TDRD7: variants seen among roughly 807,000 people sequenced by gnomAD.
TDRD7 encodes tudor domain containing 7.
In TDRD7, 47 loss-of-function variants were observed where a neutral mutation model predicts 109.8. The observed-to-expected ratio is 0.43, with a 90% CI of 0.34 to 0.55. TDRD7 has a LOEUF of 0.55. Ranked by LOEUF, TDRD7 falls within the 20% of genes least tolerant of loss-of-function variation. The pLI, the probability that TDRD7 is intolerant of heterozygous loss-of-function variation, is 0.03. For synonymous variants in TDRD7, 424 were observed against 457.3 expected, an observed-to-expected ratio of 0.93 and a Z score of 0.93; for missense variants, 1,164 against 1,319.2, an observed-to-expected ratio of 0.88 and a Z score of 1.82.
At chr9:97,427,312 C>T (rs1423299416) in intron 1 of TDRD7, among the ~76,000 whole-genome samples, 1 of 152,082 alleles carries the variant, frequency 6.6e-6, no homozygotes, top group African/African-American at 2.4e-5. Context: ...ATTCTTTCCT[C>T]CTTTTATTCA....
In TDRD7 at chr9:97,421,134, C is replaced by CA. The variant is rs556240135; in HGVS notation, c.-6-7309dup. On this transcript the variant is annotated intron_variant, in intron 1 of 16. Transcript: ENST00000355295. Reference sequence around the variant, plus strand: ...TGGGCCACAGAGCTGGACTCTGTCTCAAAAAAAAAAAAAAAAAGAAATTGT... The same window carrying CA: ...TGGGCCACAGAGCTGGACTCTGTCTCAAAAAAAAAAAAAAAAAAGAAATTGT... Among the ~76,000 whole-genome samples, 590 of 74,992 alleles carry CA rather than the reference C, an allele frequency of 7.9e-3. 1 individual carries two copies. The highest frequency in any genetic ancestry group is 0.011 in the Middle Eastern group (1 of 90). 49.2% of individuals were successfully genotyped at this position (74,992 alleles called of 152,430 possible). A position where few individuals can be genotyped will look rare whatever the true frequency, so the allele number is the denominator to read the frequency against.
At chr9:97,459,653 C>T (rs1344360728) in intron 6 of TDRD7, among the ~76,000 whole-genome samples, 1 of 152,224 alleles carries the variant, frequency 6.6e-6, no homozygotes, top group African/African-American at 2.4e-5. Flanking sequence ...AAACTTTCTG[C>T]TGTGGTTGTT....
intron 16 of TDRD7, among the ~76,000 whole-genome samples, chr9:97,489,725 T>C (rs1005567195): frequency 6.6e-6 from 1 of 152,226 alleles, no homozygotes; most frequent in Non-Finnish European, 1.5e-5. Context: ...TTTGCTCTTA[T>C]TTTTGTCATT....
At chr9:97,491,941 C>T (rs1829315599) in intron 16 of TDRD7, among the ~76,000 whole-genome samples, 1 of 152,180 alleles carries the variant, frequency 6.6e-6, no homozygotes, top group Non-Finnish European at 1.5e-5. Flanking sequence ...GGCCCTATAA[C>T]TGGGTTCCCC....
chr9:97,452,129 A>G (rs975070678), intron 6 of TDRD7, among the ~76,000 whole-genome samples: 1 of 152,176 alleles, frequency 6.6e-6, no homozygotes, highest in Non-Finnish European at 1.5e-5. Flanking sequence ...CAGGAGGATC[A>G]CTTGAGCCCA....
chr9:97,441,987 T>C, intron 6 of TDRD7, 112 bp downstream of exon 6: 2 of 848,578 alleles, frequency 2.4e-6, no homozygotes, highest in Admixed American at 3.8e-5. Flanking sequence ...ACTTTACATA[T>C]GTTACCTCAT....
chr9:97,453,918 C>T (rs563119300), intron 6 of TDRD7, among the ~76,000 whole-genome samples: 1 of 152,294 alleles, frequency 6.6e-6, no homozygotes, highest in South Asian at 2.1e-4. Context: ...TAGACACCTA[C>T]AAAGAGACTT....
intron 12 of TDRD7, among the ~76,000 whole-genome samples, 200 bp downstream of exon 12, chr9:97,475,669 C>T (rs1434251560): frequency 6.6e-6 from 1 of 152,022 alleles, no homozygotes; most frequent in Non-Finnish European, 1.5e-5. Flanking sequence ...TCTGCCTCCA[C>T]CCCAGTTTCA....
intron 4 of TDRD7, among the ~76,000 whole-genome samples, chr9:97,435,289 T>C (rs759947435): frequency 6.6e-6 from 1 of 152,126 alleles, no homozygotes; most frequent in East Asian, 1.9e-4. Context: ...AGTACACTTT[T>C]TGAAATTTCC....
intron 15 of TDRD7, 39 bp downstream of exon 15, chr9:97,483,390 A>G (rs757284844): frequency 2.5e-6 from 4 of 1,606,528 alleles, no homozygotes; most frequent in South Asian, 2.2e-5. Flanking sequence ...TACTCCTAAG[A>G]AAAATGTGTA....
chr9:97,474,794 A>G (rs1828986080), intron 11 of TDRD7, among the ~76,000 whole-genome samples: 1 of 152,168 alleles, frequency 6.6e-6, no homozygotes, highest in Non-Finnish European at 1.5e-5. Flanking sequence ...TGGGGAGAGT[A>G]GAAACACACA....
chr9:97,418,484 G>A (rs960018972), intron 1 of TDRD7, among the ~76,000 whole-genome samples: 3 of 152,064 alleles, frequency 2.0e-5, no homozygotes, highest in Admixed American at 6.6e-5. Flanking sequence ...TGCTCTGGCC[G>A]TTAAACAGGT....
intron 1 of TDRD7, among the ~76,000 whole-genome samples, chr9:97,417,087 C>G (rs916296408): frequency 1.2e-4 from 18 of 152,008 alleles, no homozygotes; most frequent in Admixed American, 8.5e-4. Context: ...GGAGGTAAGG[C>G]TGTGAGCCAC....
At chr9:97,472,117 T>C (rs1828927180) in intron 9 of TDRD7, among the ~76,000 whole-genome samples, 176 bp from the exon 10 acceptor site, 1 of 152,122 alleles carries the variant, frequency 6.6e-6, no homozygotes, top group South Asian at 2.1e-4. Flanking sequence ...TACATTATAT[T>C]TTTTTAAAAC....
chr9:97,472,410 A>G lies in TDRD7; in HGVS notation c.1859A>G (p.Tyr620Cys). ...GCTGACATTCCACTTGTTGTTCTGT[A>G]CGATACCTCAGGAGAAGATGATATC... ...DKADIPLVVL[Y>C]DTSGEDDINI... The change falls in exon 10 of 17, where the codon TAC (tyrosine) becomes TGC (cysteine). Residue 620 changes from tyrosine (Y) to cysteine (C), a missense_variant. Around this residue, in one of 5 missense-constraint regions of TDRD7, gnomAD observed 261 missense variants for 336.2 expected, o/e 0.78. Transcript: ENST00000355295. 1.2e-6 allele frequency: 2 copies of G among 1,613,944 alleles called. No homozygotes were observed. The highest frequency in any genetic ancestry group is 1.7e-6 in the Non-Finnish European group (2 of 1,179,892).
chr9:97,449,316 C>T (rs951907037), intron 6 of TDRD7, among the ~76,000 whole-genome samples: 2 of 152,170 alleles, frequency 1.3e-5, no homozygotes, highest in African/African-American at 4.8e-5. Flanking sequence ...GAGATAGCAT[C>T]AGATCCCACA....
chr9:97,479,352 G>C (rs1829077308), intron 13 of TDRD7, among the ~76,000 whole-genome samples: 1 of 152,064 alleles, frequency 6.6e-6, no homozygotes. Context: ...CCATTGTTCA[G>C]CCATAATTCT....
intron 15 of TDRD7, among the ~76,000 whole-genome samples, chr9:97,486,339 C>A (rs911615143): frequency 6.6e-6 from 1 of 152,084 alleles, no homozygotes; most frequent in African/African-American, 2.4e-5. Context: ...TCATTATTAA[C>A]CTTGAAGTCT....
rs145893069 is a variant in TDRD7, at chr9:97,470,315, C to T, written c.1630-243C>T. Among the ~76,000 whole-genome samples the T allele has an allele frequency of 3.9e-5, 6 of 152,240 alleles. No homozygotes were observed. In the East Asian group the frequency reaches 1.2e-3, roughly 29 times the overall value. On this transcript the variant is annotated intron_variant, in intron 8 of 16. Transcript: ENST00000355295. Reference sequence around the variant, plus strand: ...GGCAGGGCTGAGCAGTCTTGTTCTTCCCATTGAAGGGGTAGGGTGAGGTAG... The same window carrying T: ...GGCAGGGCTGAGCAGTCTTGTTCTTTCCATTGAAGGGGTAGGGTGAGGTAG...
Sources: gnomAD v4.1 joint callset for allele counts (sites outside exome capture counted in the v4.1 genomes callset) on GRCh38, gnomAD v4.1.1 for gene constraint, gnomAD v4.1.1 regional missense constraint, MANE v1.5 for transcripts, NCBI Gene and HGNC (gene_info 2026-07-23, HGNC 2026-07-21) for gene names.